The following LYG1 variants were observed in gnomAD, a reference collection of about 807,000 sequenced individuals.
LYG1 encodes lysozyme g1.
Under a neutral mutation model 21.7 loss-of-function variants are expected in LYG1, and 17 were observed. The ratio of observed to expected loss-of-function variants is 0.78; its 90% CI spans 0.54 to 1.18. The LOEUF (loss-of-function observed/expected upper bound fraction) is 1.18. Among genes scored for constraint, LYG1 ranks in the 50% most tolerant of loss-of-function variants. The pLI is 0.00. For synonymous variants in LYG1, 81 were observed against 87.4 expected, an observed-to-expected ratio of 0.93 and a Z score of 0.41; for missense variants, 211 against 238.1, an observed-to-expected ratio of 0.89 and a Z score of 0.75.
upstream of LYG1, among the ~76,000 whole-genome samples, chr2:99,302,121 A>C (rs1273242642): frequency 6.6e-6 from 1 of 152,170 alleles, no homozygotes; most frequent in Non-Finnish European, 1.5e-5. Flanking sequence ...ACCCTCAGGG[A>C]CAGGGGCTGT....
chr2:99,294,593 TCCTTGGTTCCTG>T, intron 3 of LYG1, among the ~76,000 whole-genome samples: 1 of 152,326 alleles, frequency 6.6e-6, no homozygotes, highest in African/African-American at 2.4e-5. Flanking sequence ...GTTTTATCAC[TCCTTGGTTCCTG>T]CCTTGTGGAC....
At chr2:99,303,697 T>C (rs769028171), upstream of LYG1, among the ~76,000 whole-genome samples, 30 of 152,196 alleles carry the variant, frequency 2.0e-4, no homozygotes, top group Admixed American at 3.3e-4. Flanking sequence ...ATGGTTGGAC[T>C]AGAGTGACGG....
chr2:99,296,693 C>T (rs1440481760), intron 2 of LYG1, among the ~76,000 whole-genome samples: 1 of 152,182 alleles, frequency 6.6e-6, no homozygotes, highest in Non-Finnish European at 1.5e-5. Flanking sequence ...GGCAGCCTAG[C>T]ATTTTGAATT....
intron 1 of LYG1, among the ~76,000 whole-genome samples, chr2:99,300,165 C>T (rs575657409): frequency 1.7e-3 from 251 of 152,110 alleles, no homozygotes; most frequent in Non-Finnish European, 2.6e-3. Flanking sequence ...TGTTACGCTG[C>T]GTAGAGCTGC....
chr2:99,284,320 C>G lies in LYG1; in HGVS notation c.*73G>C. On this transcript the variant is annotated 3_prime_UTR_variant, in exon 7 of 7. Coordinates refer to ENST00000308528, the MANE Select transcript of LYG1 (RefSeq NM_174898.3). Reference sequence around the variant, plus strand: ...AAACTCAGATTCCCAGTTACAGGTGCCCTTGGCTAGTTTTATCTGTGTAAC... The same window carrying G: ...AAACTCAGATTCCCAGTTACAGGTGGCCTTGGCTAGTTTTATCTGTGTAAC... 2 of 1,305,584 alleles carry G rather than the reference C, an allele frequency of 1.5e-6. No homozygotes were observed. The highest frequency in any genetic ancestry group is 2.2e-6 in the Non-Finnish European group (2 of 917,924). The allele number at this position is 1,305,584 out of a possible 1,614,324, so 80.9% of individuals were successfully genotyped here.
At chr2:99,290,149 C>A (rs11685870) in intron 5 of LYG1, among the ~76,000 whole-genome samples, 1 of 151,998 alleles carries the variant, frequency 6.6e-6, no homozygotes, top group Admixed American at 6.6e-5. Context: ...TGAGCCACTG[C>A]GCCTGACCCA....
chr2:99,298,060 A>G (rs570283994), intron 2 of LYG1, among the ~76,000 whole-genome samples: 2 of 152,320 alleles, frequency 1.3e-5, no homozygotes, highest in South Asian at 2.1e-4. Context: ...CCATAAATAC[A>G]GCATATTGAA....
chr2:99,303,790 A>C (rs1280294622), upstream of LYG1, among the ~76,000 whole-genome samples: 1 of 152,184 alleles, frequency 6.6e-6, no homozygotes, highest in Non-Finnish European at 1.5e-5. Flanking sequence ...GGAGGGACAC[A>C]GTGGGAGACA....
At chr2:99,285,555 G>A (rs920781280) in intron 5 of LYG1, among the ~76,000 whole-genome samples, 4 of 152,206 alleles carry the variant, frequency 2.6e-5, no homozygotes, top group Non-Finnish European at 4.4e-5. Flanking sequence ...GACACGCGAT[G>A]TATGTGCTAG....
chr2:99,284,546 G>T lies in LYG1; in HGVS notation c.467-35C>A, dbSNP rs771251047. On this transcript the variant is annotated intron_variant, in intron 6 of 6. Coordinates refer to ENST00000308528, the MANE Select transcript of LYG1 (RefSeq NM_174898.3). ...ATGAGATAGGTTAATGCTGACCTAGGGTACTCAGCAGTTAACTCTGATTCT... is the reference window on the plus strand; with the variant it reads ...ATGAGATAGGTTAATGCTGACCTAGTGTACTCAGCAGTTAACTCTGATTCT... 2.5e-6 allele frequency: 4 copies of T among 1,599,000 alleles called. No individual in the cohort carries two copies. In the Admixed American group the frequency reaches 6.7e-5, roughly 27 times the overall value.
chr2:99,292,985 CTTTTTTT>C (rs70940159), intron 3 of LYG1, among the ~76,000 whole-genome samples: 21 of 83,160 alleles, frequency 2.5e-4, no homozygotes, highest in Admixed American at 1.8e-4. Flanking sequence ...CCTCATCTTA[CTTTTTTT>C]TTTTTTTTTT....
At chr2:99,293,212 G>A (rs1307304585) in intron 3 of LYG1, among the ~76,000 whole-genome samples, 1 of 151,902 alleles carries the variant, frequency 6.6e-6, no homozygotes, top group Non-Finnish European at 1.5e-5. Flanking sequence ...GGCTGGTCTC[G>A]AACTCTTGAC....
upstream of LYG1, among the ~76,000 whole-genome samples, chr2:99,304,127 A>AATG (rs759138075): frequency 3.9e-5 from 6 of 151,910 alleles, no homozygotes; most frequent in African/African-American, 7.3e-5. Context: ...TCAGAAGTGG[A>AATG]ATGATATGAT....
chr2:99,295,562 G>T (rs2094133846), intron 3 of LYG1, 66 bp downstream of exon 3: 2 of 1,539,414 alleles, frequency 1.3e-6, no homozygotes, highest in Non-Finnish European at 1.8e-6. Flanking sequence ...TATTAGAAGT[G>T]CCATTGTGTT....
intron 5 of LYG1, among the ~76,000 whole-genome samples, chr2:99,285,380 TAAA>T (rs199643971): frequency 1.5e-5 from 2 of 137,336 alleles, no homozygotes; most frequent in Admixed American, 7.3e-5. Context: ...GACCCTGTCT[TAAA>T]AAAAAAAAAA....
At chr2:99,297,407 C>G (rs770239308) in intron 2 of LYG1, among the ~76,000 whole-genome samples, 3 of 152,206 alleles carry the variant, frequency 2.0e-5, no homozygotes, top group Non-Finnish European at 2.9e-5. Context: ...GGAAAAAGCA[C>G]TGCTCACATT....
At position 99,288,654 on chromosome 2, in the gene LYG1, C is replaced by T. The variant is rs184245666; in HGVS notation, c.333+2583G>A. ...CGTGATTTCAGCTCACTGCAACCTCCGCCTCCCAGGCTCCAGCGATTCTCC... is the reference window on the plus strand; with the variant it reads ...CGTGATTTCAGCTCACTGCAACCTCTGCCTCCCAGGCTCCAGCGATTCTCC... On this transcript the variant is annotated intron_variant, in intron 5 of 6. Transcript: ENST00000308528. 7.2e-3 allele frequency among the ~76,000 whole-genome samples: 1,103 copies of T among 152,252 alleles called. 5 individuals are homozygous for T. The highest frequency in any genetic ancestry group is 0.013 in the Non-Finnish European group (854 of 68,020).
chr2:99,297,911 C>A (rs1365397513), intron 2 of LYG1, among the ~76,000 whole-genome samples: 2 of 152,130 alleles, frequency 1.3e-5, no homozygotes, highest in African/African-American at 4.8e-5. Context: ...AAATGGGTCT[C>A]ACTATGTTGC....
intron 5 of LYG1, among the ~76,000 whole-genome samples, chr2:99,285,901 G>C (rs1443068254): frequency 6.6e-6 from 1 of 152,168 alleles, no homozygotes; most frequent in South Asian, 2.1e-4. Flanking sequence ...AAAGACAGGT[G>C]CTATAATTTG....
Sources: gnomAD v4.1 joint callset for allele counts (sites outside exome capture counted in the v4.1 genomes callset) on GRCh38, gnomAD v4.1.1 for gene constraint, MANE v1.5 for transcripts, NCBI Gene and HGNC (gene_info 2026-07-23, HGNC 2026-07-21) for gene names.